The following PLPPR1 variants were observed in gnomAD, a reference collection of about 807,000 sequenced individuals.
PLPPR1 encodes the protein phospholipid phosphatase related 1.
A neutral mutation model predicts 33.1 loss-of-function variants in PLPPR1; 10 were observed. The observed-to-expected ratio is 0.30, with a 90% CI of 0.19 to 0.51. The LOEUF (loss-of-function observed/expected upper bound fraction) is 0.51, where lower values mean the gene tolerates loss of function less well. Ranked by LOEUF, PLPPR1 falls within the 20% of genes least tolerant of loss-of-function variation. The probability of loss-of-function intolerance (pLI) is 0.97; values close to 1 mark genes in which losing one functional copy is unlikely to be tolerated. For missense variants in PLPPR1, 304 were observed against 408.1 expected (o/e 0.74, Z 2.20); for synonymous variants, 151 against 151.0 (o/e 1.00, Z 0.00).
chr9:101,071,457 G>A (rs948914164), intron 1 of PLPPR1, among the ~76,000 whole-genome samples: 2 of 152,162 alleles, frequency 1.3e-5, no homozygotes, highest in Admixed American at 1.3e-4. Flanking sequence ...CAACGAGTAA[G>A]TGGTAGTCAT....
chr9:101,252,891 A>G (rs1827736896), intron 2 of PLPPR1, among the ~76,000 whole-genome samples: 2 of 151,992 alleles, frequency 1.3e-5, no homozygotes, highest in African/African-American at 2.4e-5. Flanking sequence ...TCTAATATGG[A>G]GTCATAAAAT....
At chr9:101,274,069 G>C (rs1332350398) in intron 3 of PLPPR1, among the ~76,000 whole-genome samples, 1 of 152,108 alleles carries the variant, frequency 6.6e-6, no homozygotes, top group East Asian at 1.9e-4. Context: ...TAGTACAACT[G>C]CTCCCATGGA....
In PLPPR1 at chr9:101,155,630, G is replaced by C. The variant is rs532448334; in HGVS notation, c.-45-29820G>C. ...TTTTTTTTTTTTTAGATGGAGTTTTGCTCTTGTTGCCCAGGCTGGAGTGCA... is the reference window on the plus strand; with the variant it reads ...TTTTTTTTTTTTTAGATGGAGTTTTCCTCTTGTTGCCCAGGCTGGAGTGCA... On this transcript the variant is annotated intron_variant, in intron 1 of 7. Transcript: ENST00000374874. 4.2e-5 allele frequency among the ~76,000 whole-genome samples: 6 copies of C among 142,212 alleles called. No individual in the cohort carries two copies. In the South Asian group the frequency reaches 1.3e-3, roughly 32 times the overall value. The allele number at this position is 142,212 out of a possible 152,430, so 93.3% of individuals were successfully genotyped here.
At chr9:101,114,386 TTGTC>T (rs1831094576) in intron 1 of PLPPR1, among the ~76,000 whole-genome samples, 1 of 152,160 alleles carries the variant, frequency 6.6e-6, no homozygotes, top group African/African-American at 2.4e-5. Flanking sequence ...ACACTTGTAT[TTGTC>T]TGATTTAAGG....
At chr9:101,034,164 A>G (rs370417564) in intron 1 of PLPPR1, among the ~76,000 whole-genome samples, 1 of 152,088 alleles carries the variant, frequency 6.6e-6, no homozygotes, top group East Asian at 1.9e-4. Context: ...TGCATTTTTT[A>G]TCAAAAGGGA....
At chr9:101,303,008 A>G (rs2118944397) in intron 4 of PLPPR1, among the ~76,000 whole-genome samples, 1 of 152,334 alleles carries the variant, frequency 6.6e-6, no homozygotes, top group African/African-American at 2.4e-5. Flanking sequence ...GTTTTTTGAG[A>G]CAGAGTCTCG....
At chr9:101,312,754 CAAGGCAGCT>C in intron 5 of PLPPR1, 35 bp from the exon 6 acceptor site, 1 of 1,576,402 alleles carries the variant, frequency 6.3e-7, no homozygotes, top group South Asian at 1.1e-5. Context: ...ACTCATAGCA[CAAGGCAGCT>C]GCCTGGTCAC....
Position 101,309,089 on chromosome 9 carries a change from C to T in PLPPR1, c.386-122C>T, listed in dbSNP as rs555382768. The T allele has an allele frequency of 7.2e-5, 70 of 969,260 alleles. No individual in the cohort carries two copies. The South Asian group carries it at 7.6e-4, about 11-fold the overall frequency. 60.0% of individuals were successfully genotyped at this position (969,260 alleles called of 1,614,324 possible). A position where few individuals can be genotyped will look rare whatever the true frequency, so the allele number is the denominator to read the frequency against. ...AGGTACCACTCCTGGAAAGATACTC[C>T]GGGGAGTACTTAGAATCATTTTGAT... is the stretch of plus-strand genomic sequence containing the variant. On this transcript the variant is annotated intron_variant, in intron 4 of 7. Transcript: ENST00000374874.
intron 4 of PLPPR1, among the ~76,000 whole-genome samples, chr9:101,301,567 T>C (rs1012609444): frequency 1.3e-5 from 2 of 152,346 alleles, no homozygotes; most frequent in East Asian, 3.9e-4. Flanking sequence ...AAGCAGGCTA[T>C]TGTCAGCCTT....
In PLPPR1 at chr9:101,286,126, T is replaced by C. The variant is rs1588111198; in HGVS notation, c.275T>C (p.Met92Thr). 2 of 1,612,700 alleles carry C rather than the reference T, an allele frequency of 1.2e-6. No homozygotes were observed. The highest frequency in any genetic ancestry group is 1.7e-5 in the Admixed American group (1 of 59,976). ...TAGATTTTTATTGGTGAGATATCCA[T>C]GTATTTCATAAAATCAACAAGAGAA... ...TAIIFIGEIS[M>T]YFIKSTRESL... is the part of the protein sequence containing the mutation. Residue 92 changes from methionine (M) to threonine (T), a missense_variant, in exon 4 of 8, where the codon ATG (methionine) becomes ACG (threonine). By Grantham distance (81) the Met-to-Thr change is moderately conservative. Coordinates refer to ENST00000374874, the MANE Select transcript of PLPPR1 (RefSeq NM_207299.2).
At chr9:101,272,988 A>T (rs1251803413) in intron 3 of PLPPR1, among the ~76,000 whole-genome samples, 1 of 152,254 alleles carries the variant, frequency 6.6e-6, no homozygotes, top group Non-Finnish European at 1.5e-5. Context: ...ATAATTAGAA[A>T]CTAGGAACTA....
intron 1 of PLPPR1, among the ~76,000 whole-genome samples, chr9:101,158,788 A>C (rs982430027): frequency 1.3e-5 from 2 of 152,178 alleles, no homozygotes; most frequent in African/African-American, 4.8e-5. Flanking sequence ...GCTTCAGGAA[A>C]ATAGCTCCAG....
At chr9:101,162,933 ACTT>A (rs2118674652) in intron 1 of PLPPR1, among the ~76,000 whole-genome samples, 1 of 152,218 alleles carries the variant, frequency 6.6e-6, no homozygotes, top group African/African-American at 2.4e-5. Context: ...TCAAGAATGA[ACTT>A]CTCATAAAGC....
At position 101,248,598 on chromosome 9, in the gene PLPPR1, G is replaced by T. The variant is rs1408669675; in HGVS notation, c.64-21282G>T. 3.3e-5 allele frequency among the ~76,000 whole-genome samples: 5 copies of T among 152,048 alleles called. No individual in the cohort carries two copies. The East Asian group carries it at 9.7e-4, about 29-fold the overall frequency. Reference sequence around the variant, plus strand: ...ATTACTTTTCATAACCTCCAGTCAAGCATGGATATCCACAGAGTGACAGTT... The same window carrying T: ...ATTACTTTTCATAACCTCCAGTCAATCATGGATATCCACAGAGTGACAGTT... On this transcript the variant is annotated intron_variant, in intron 2 of 7. Coordinates refer to ENST00000374874, the MANE Select transcript of PLPPR1 (RefSeq NM_207299.2).
Position 101,131,235 on chromosome 9 carries a change from G to T in PLPPR1, c.-45-54215G>T, listed in dbSNP as rs185587989. 6.6e-5 allele frequency among the ~76,000 whole-genome samples: 10 copies of T among 152,248 alleles called. No homozygotes were observed. In the East Asian group the frequency reaches 1.9e-3, roughly 29 times the overall value. On this transcript the variant is annotated intron_variant, in intron 1 of 7. Transcript: ENST00000374874. ...CATTCTGGAATAATCATGGGTATGC[G>T]TGAATGCAGGGAGAAATGAGATTAC...
intron 2 of PLPPR1, among the ~76,000 whole-genome samples, chr9:101,234,680 C>T (rs1254134273): frequency 6.6e-6 from 1 of 151,910 alleles, no homozygotes; most frequent in Non-Finnish European, 1.5e-5. Flanking sequence ...AATATGGCCC[C>T]ATAGGCCAAG....
chr9:101,077,432 C>T (rs113284564), intron 1 of PLPPR1, among the ~76,000 whole-genome samples: 2 of 152,038 alleles, frequency 1.3e-5, no homozygotes, highest in African/African-American at 4.8e-5. Flanking sequence ...TTCATGTATT[C>T]TAGACATATG....
intron 1 of PLPPR1, among the ~76,000 whole-genome samples, chr9:101,049,233 G>A (rs1234489884): frequency 6.6e-6 from 1 of 151,926 alleles, no homozygotes; most frequent in Non-Finnish European, 1.5e-5. Flanking sequence ...CCAACTTCAG[G>A]GAAGATAGAA....
At chr9:101,079,208 T>G (rs1341010818) in intron 1 of PLPPR1, among the ~76,000 whole-genome samples, 1 of 152,180 alleles carries the variant, frequency 6.6e-6, no homozygotes, top group Non-Finnish European at 1.5e-5. Flanking sequence ...CCCAGTCTGG[T>G]CTGGTGAGCT....
Sources: allele counts gnomAD v4.1 joint callset (sites outside exome capture counted in the v4.1 genomes callset), GRCh38; gene constraint gnomAD v4.1.1; transcripts MANE v1.5; gene names NCBI Gene and HGNC (gene_info 2026-07-23, HGNC 2026-07-21).